Variants in PRKN observed in about 807,000 individuals in gnomAD.
PRKN encodes the protein parkin RBR E3 ubiquitin protein ligase, also known as E3 ubiquitin-protein ligase parkin.
PRKN carries 56 observed loss-of-function variants against 59.5 expected under a neutral mutation model. That is an observed-to-expected ratio of 0.94 (90% CI 0.76 to 1.18). The LOEUF (loss-of-function observed/expected upper bound fraction) is 1.18. Among genes scored for constraint, PRKN ranks in the 50% most tolerant of loss-of-function variants. The pLI is 0.00. For missense variants in PRKN, 657 were observed against 596.4 expected, an observed-to-expected ratio of 1.10 and a Z score of -1.06; for synonymous variants, 250 against 222.1, an observed-to-expected ratio of 1.13 and a Z score of -1.12.
intron 1 of PRKN, among the ~76,000 whole-genome samples, chr6:162,564,247 A>C (rs556877140): frequency 1.6e-4 from 24 of 152,230 alleles, no homozygotes; most frequent in African/African-American, 5.8e-4. Flanking sequence ...TGGGAGGCTA[A>C]GGCAGAAGAA....
chr6:162,556,370 T>TGTGTGCGTGC (rs1554243459), intron 1 of PRKN, among the ~76,000 whole-genome samples: 2 of 99,376 alleles, frequency 2.0e-5, no homozygotes, highest in Middle Eastern at 0.011. Flanking sequence ...TGTGTGTGTG[T>TGTGTGCGTGC]GTGTGTGTGT....
intron 1 of PRKN, among the ~76,000 whole-genome samples, chr6:162,504,631 T>C (rs1033673847): frequency 3.3e-5 from 5 of 152,076 alleles, no homozygotes; most frequent in Admixed American, 2.0e-4. Flanking sequence ...GAGAGAAATA[T>C]AGGAGAATGC....
chr6:162,293,175 G>C (rs898824130), intron 2 of PRKN, among the ~76,000 whole-genome samples: 1 of 152,192 alleles, frequency 6.6e-6, no homozygotes, highest in African/African-American at 2.4e-5. Flanking sequence ...CACTTCAGTA[G>C]AGGCCAATAA....
Position 161,355,318 on chromosome 6 carries a change from T to C in PRKN, c.1285+4770A>G, listed in dbSNP as rs1018967948. Among the ~76,000 whole-genome samples, 1 of 152,262 alleles carries C rather than the reference T, an allele frequency of 6.6e-6. No homozygotes were observed. Among genetic ancestry groups the C allele is most frequent in the African/African-American group, 2.4e-5 (1 of 41,472 alleles). On this transcript the variant is annotated intron_variant, in intron 11 of 11. Transcript: ENST00000366898. The surrounding 1 kb of genome is among the most constrained non-coding windows in gnomAD (Gnocchi z 6.8). ...CTCCGGGTCTGTGTGCCCTGATAGC[T>C]TGCTTCCTCTATGTTATTTTATTAA...
chr6:162,229,141 C>G (rs969976974), intron 3 of PRKN, among the ~76,000 whole-genome samples: 9 of 152,128 alleles, frequency 5.9e-5, no homozygotes, highest in Admixed American at 5.9e-4. Context: ...CAAATTGTCT[C>G]CCTGACTCAT....
At chr6:162,012,116 G>A (rs536175850) in intron 5 of PRKN, among the ~76,000 whole-genome samples, 46 of 152,160 alleles carry the variant, frequency 3.0e-4, no homozygotes, top group African/African-American at 8.4e-4. Context: ...GTCATCCTGC[G>A]GAGATGAGAA....
Position 161,648,080 on chromosome 6 carries a change from C to G in PRKN, c.872-78664G>C, listed in dbSNP as rs563581107. On this transcript the variant is annotated intron_variant, in intron 7 of 11. Coordinates refer to ENST00000366898, the MANE Select transcript of PRKN (RefSeq NM_004562.3). ...AATGCTGAAATGTGGTCTTTTGGCTCTCTTCCAGCCAGGGATTATTCAGGT... is the reference window on the plus strand; with the variant it reads ...AATGCTGAAATGTGGTCTTTTGGCTGTCTTCCAGCCAGGGATTATTCAGGT... Among the ~76,000 whole-genome samples, 31 of 152,348 alleles carry G rather than the reference C, an allele frequency of 2.0e-4. No individual in the cohort carries two copies. In the South Asian group the frequency reaches 6.4e-3, roughly 32 times the overall value.
rs1277213274 is a variant in PRKN at position 161,466,088 on chromosome 6, G to T, written c.1084-79211C>A. ...TGTGTGTGTGTGTGTGTGTGTCTGT[G>T]TGGGGAGGACACTTAAGACCTAGTC... On this transcript the variant is annotated intron_variant, in intron 9 of 11. Transcript: ENST00000366898. The surrounding 1 kb of genome is among the most constrained non-coding windows in gnomAD (Gnocchi z 5.0). 6.6e-6 allele frequency among the ~76,000 whole-genome samples: 1 copy of T among 152,130 alleles called. No individual in the cohort carries two copies. The highest frequency in any genetic ancestry group is 1.5e-5 in the Non-Finnish European group (1 of 68,038).
chr6:162,350,813 T>G (rs1784592148), intron 2 of PRKN, among the ~76,000 whole-genome samples: 1 of 152,110 alleles, frequency 6.6e-6, no homozygotes, highest in African/African-American at 2.4e-5. Flanking sequence ...AAGAGCAAAG[T>G]TACAAATTAA....
intron 7 of PRKN, among the ~76,000 whole-genome samples, chr6:161,586,026 T>TA (rs111593160): frequency 0.011 from 1,717 of 152,014 alleles, 18 homozygotes; most frequent in African/African-American, 0.028. Context: ...CTTCTTTTTT[T>TA]AAAAAAAAGA....
chr6:162,397,920 C>A (rs1463262493), intron 2 of PRKN, among the ~76,000 whole-genome samples: 8 of 151,542 alleles, frequency 5.3e-5, no homozygotes, highest in African/African-American at 1.9e-4. Context: ...ACCTGTAAGC[C>A]AAGCTACTTG....
chr6:162,127,792 A>C (rs1293280689), intron 4 of PRKN, among the ~76,000 whole-genome samples: 6 of 152,236 alleles, frequency 3.9e-5, no homozygotes, highest in African/African-American at 1.4e-4. Context: ...AGCCTTATGA[A>C]TCCCATAATC....
chr6:161,912,916 C>T (rs760645816), intron 6 of PRKN, among the ~76,000 whole-genome samples: 11 of 152,062 alleles, frequency 7.2e-5, no homozygotes, highest in Non-Finnish European at 1.2e-4. Flanking sequence ...GTGGCTCATG[C>T]CTATAATCCC....
chr6:162,232,436 C>T (rs976169472), intron 3 of PRKN, among the ~76,000 whole-genome samples: 1 of 152,156 alleles, frequency 6.6e-6, no homozygotes, highest in Non-Finnish European at 1.5e-5. Flanking sequence ...TCCCCATCTT[C>T]CTCACTAAAT....
intron 9 of PRKN, among the ~76,000 whole-genome samples, chr6:161,478,989 T>C (rs1791258400): frequency 6.6e-6 from 1 of 152,192 alleles, no homozygotes; most frequent in South Asian, 2.1e-4. Context: ...TGAAATACTA[T>C]AGAACAATGA....
intron 2 of PRKN, among the ~76,000 whole-genome samples, chr6:162,384,100 T>G (rs1428364471): frequency 6.6e-6 from 1 of 152,202 alleles, no homozygotes; most frequent in Non-Finnish European, 1.5e-5. Flanking sequence ...TGAGACTGTC[T>G]CACATTCATA....
chr6:161,929,065 C>T (rs1779072088), intron 6 of PRKN, among the ~76,000 whole-genome samples: 1 of 152,046 alleles, frequency 6.6e-6, no homozygotes, highest in African/African-American at 2.4e-5. Context: ...GGTGGAGGTA[C>T]TCCAAATGCC....
At chr6:161,834,703 T>C (rs1792666846) in intron 6 of PRKN, among the ~76,000 whole-genome samples, 1 of 152,180 alleles carries the variant, frequency 6.6e-6, no homozygotes, top group South Asian at 2.1e-4. Flanking sequence ...AGGATGATGA[T>C]ATCCACAGGC....
At chr6:162,198,078 G>T (rs1784568017) in intron 4 of PRKN, among the ~76,000 whole-genome samples, 1 of 152,186 alleles carries the variant, frequency 6.6e-6, no homozygotes, top group South Asian at 2.1e-4. Context: ...GGTAGGAAAT[G>T]AAGAGAGGAG....
Sources: allele counts gnomAD v4.1 joint callset (sites outside exome capture counted in the v4.1 genomes callset), GRCh38; gene constraint gnomAD v4.1.1; non-coding constraint Gnocchi (gnomAD v3.1); transcripts MANE v1.5; gene names NCBI Gene and HGNC (gene_info 2026-07-23, HGNC 2026-07-21).